The following GLTP variants were observed in gnomAD, a reference collection of about 807,000 sequenced individuals.
GLTP encodes the protein glycolipid transfer protein.
Under a neutral mutation model 24.0 loss-of-function variants are expected in GLTP, and 22 were observed. That is an observed-to-expected ratio of 0.92 (90% CI 0.65 to 1.31). The LOEUF (loss-of-function observed/expected upper bound fraction) is 1.31, where lower values mean the gene tolerates loss of function less well. GLTP is among the 50% of genes most tolerant of loss of function. The pLI is 0.00. For synonymous variants in GLTP, 92 were observed against 115.9 expected, an observed-to-expected ratio of 0.79 and a Z score of 1.33; for missense variants, 224 against 276.6, an observed-to-expected ratio of 0.81 and a Z score of 1.35.
intron 1 of GLTP, among the ~76,000 whole-genome samples, chr12:109,872,705 T>C (rs1467447057): frequency 2.6e-5 from 4 of 152,174 alleles, no homozygotes; most frequent in African/African-American, 9.7e-5. Context: ...AGTTTCAAAA[T>C]TGTACAGCCA....
intron 1 of GLTP, among the ~76,000 whole-genome samples, chr12:109,864,300 C>T (rs1042626900): frequency 1.3e-5 from 2 of 152,184 alleles, no homozygotes; most frequent in African/African-American, 4.8e-5. Flanking sequence ...TAAACAAGCA[C>T]GCTGAAGTGG....
At position 109,852,659 on chromosome 12, in the gene GLTP, ACTC is replaced by A. The variant is rs1419031727; in HGVS notation, c.523_525del (p.Glu175del). The A allele has an allele frequency of 1.9e-6, 3 of 1,605,104 alleles. No homozygotes were observed. Among genetic ancestry groups the A allele is most frequent in the Non-Finnish European group, 2.6e-6 (3 of 1,172,316 alleles). ...AGGAAGAGGCGGATCTTCTCCAGGC[ACTC>A]CTCCTCCGTAACATTCTGCCCCTTG... is the stretch of plus-strand genomic sequence containing the variant. On this transcript the variant is annotated inframe_deletion, in exon 5 of 5. Transcript: ENST00000318348.
chr12:109,854,700 G>A (rs1166055122), intron 4 of GLTP, among the ~76,000 whole-genome samples: 2 of 152,218 alleles, frequency 1.3e-5, no homozygotes, highest in Non-Finnish European at 2.9e-5. Context: ...TATTACTACT[G>A]ACGTGGTGGT....
intron 4 of GLTP, among the ~76,000 whole-genome samples, chr12:109,853,083 G>T (rs1398381635): frequency 6.6e-6 from 1 of 152,112 alleles, no homozygotes; most frequent in Non-Finnish European, 1.5e-5. Flanking sequence ...AGGATTAGGG[G>T]GCTTGTACAA....
In GLTP at chr12:109,880,423, G is replaced by T; in HGVS notation, c.-49C>A. On this transcript the variant is annotated 5_prime_UTR_variant, in exon 1 of 5. Transcript: ENST00000318348. This position sits in a 1 kb window ranked among gnomAD's most constrained non-coding sequence, Gnocchi z 5.1. Reference sequence around the variant, plus strand: ...TGCCCCAGCCGGCGCCGCGGGCGTCGACACCGCCCCCCCGGCCGCCGCCGT... The same window carrying T: ...TGCCCCAGCCGGCGCCGCGGGCGTCTACACCGCCCCCCCGGCCGCCGCCGT... The T allele has an allele frequency of 4.1e-6, 3 of 733,020 alleles. No homozygotes were observed. The highest frequency in any genetic ancestry group is 3.7e-6 in the Non-Finnish European group (2 of 536,936). 45.4% of individuals were successfully genotyped at this position (733,020 alleles called of 1,614,324 possible). A position where few individuals can be genotyped will look rare whatever the true frequency, so the allele number is the denominator to read the frequency against.
At position 109,852,608 on chromosome 12, in the gene GLTP, C is replaced by T. The variant is rs762045208; in HGVS notation, c.577G>A (p.Val193Ile). ...ATCTGGGTGTACATCTCGTAGATGA[C>T]ATCGATGGTCGCCGTGTAGTTGACT... ...FLVNYTATID[V>I]IYEMYTQMNA... is the part of the protein sequence containing the mutation. Residue 193 changes from valine to isoleucine, a missense_variant, in exon 5 of 5, where the codon GTC becomes ATC. Val to Ile is a conservative substitution (Grantham distance 29). Transcript: ENST00000318348. The T allele has an allele frequency of 1.2e-6, 2 of 1,608,710 alleles. No individual in the cohort carries two copies. Among genetic ancestry groups the T allele is most frequent in the South Asian group, 1.1e-5 (1 of 90,956 alleles).
Position 109,852,659 on chromosome 12 carries a change from A to ACTC in GLTP, c.523_525dup (p.Glu175dup). ...AGGAAGAGGCGGATCTTCTCCAGGC[A>ACTC]CTCCTCCTCCGTAACATTCTGCCCC... is the stretch of plus-strand genomic sequence containing the variant. On this transcript the variant is annotated inframe_insertion, in exon 5 of 5. Coordinates refer to ENST00000318348, the MANE Select transcript of GLTP (RefSeq NM_016433.4). 5 of 1,605,108 alleles carry ACTC rather than the reference A, an allele frequency of 3.1e-6. No individual in the cohort carries two copies. The highest frequency in any genetic ancestry group is 4.3e-6 in the Non-Finnish European group (5 of 1,172,320).
chr12:109,869,541 C>T (rs1344698646), intron 1 of GLTP, among the ~76,000 whole-genome samples: 1 of 149,208 alleles, frequency 6.7e-6, no homozygotes, highest in Non-Finnish European at 1.5e-5. Flanking sequence ...CTGCAATCTC[C>T]AACTTCCAGG....
At chr12:109,856,516 C>A (rs1892798385) in intron 3 of GLTP, among the ~76,000 whole-genome samples, 2 of 152,176 alleles carry the variant, frequency 1.3e-5, no homozygotes, top group Admixed American at 1.3e-4. Flanking sequence ...AAGGCTCAGT[C>A]ACAGGCCAGG....
intron 1 of GLTP, among the ~76,000 whole-genome samples, chr12:109,858,967 G>A (rs537528885): frequency 6.6e-6 from 1 of 152,218 alleles, no homozygotes; most frequent in Admixed American, 6.5e-5. Context: ...ACCAACCACA[G>A]AGGCATGATG....
At chr12:109,852,889 G>C in intron 4 of GLTP, 152 bp from the exon 5 acceptor site, 1 of 601,454 alleles carries the variant, frequency 1.7e-6, no homozygotes, top group South Asian at 2.1e-5. Context: ...GGAAAAGGGA[G>C]GTGTATTTTG....
chr12:109,879,944 G>A (rs1869016514), intron 1 of GLTP, among the ~76,000 whole-genome samples: 1 of 152,024 alleles, frequency 6.6e-6, no homozygotes, highest in Non-Finnish European at 1.5e-5. Flanking sequence ...GTGGATTACA[G>A]AATGCCTAAG....
In GLTP at chr12:109,862,060, C is replaced by T. The variant is rs184079989; in HGVS notation, c.104-3319G>A. Among the ~76,000 whole-genome samples, 225 of 152,308 alleles carry T rather than the reference C, an allele frequency of 1.5e-3. 1 individual carries two copies. The highest frequency in any genetic ancestry group is 2.4e-3 in the Admixed American group (37 of 15,308). On this transcript the variant is annotated intron_variant, in intron 1 of 4. Transcript: ENST00000318348. Reference sequence around the variant, plus strand: ...TGCTAGGCCACGAGCAGTCTCCTCTCGGCAACTGAGCCTCTTTCCAACGTC... The same window carrying T: ...TGCTAGGCCACGAGCAGTCTCCTCTTGGCAACTGAGCCTCTTTCCAACGTC...
chr12:109,868,687 G>A (rs142954457), intron 1 of GLTP, among the ~76,000 whole-genome samples: 84 of 151,940 alleles, frequency 5.5e-4, no homozygotes, highest in African/African-American at 1.9e-3. Context: ...AGCCTGGTGT[G>A]GGGAGGTTCT....
rs1161045119 is a variant in GLTP at position 109,852,481 on chromosome 12, G to A, written c.*74C>T. 12 of 967,954 alleles carry A rather than the reference G, an allele frequency of 1.2e-5. No individual in the cohort carries two copies. The Admixed American group carries it at 1.8e-4, about 14-fold the overall frequency. The allele number at this position is 967,954 out of a possible 1,614,324, so 60.0% of individuals were successfully genotyped here. ...CAGGCCAGGGGCAGTTCACCGACTT[G>A]ATTCACAGTGATTCTGGTTTGCCTG... On this transcript the variant is annotated 3_prime_UTR_variant, in exon 5 of 5. Coordinates refer to ENST00000318348, the MANE Select transcript of GLTP (RefSeq NM_016433.4).
chr12:109,864,468 T>C (rs1448101199), intron 1 of GLTP, among the ~76,000 whole-genome samples: 1 of 152,130 alleles, frequency 6.6e-6, no homozygotes, highest in African/African-American at 2.4e-5. Flanking sequence ...GGCCCTTCGG[T>C]TTCTACAGCC....
Position 109,855,675 on chromosome 12 carries a change from C to G in GLTP, c.391G>C (p.Ala131Pro), listed in dbSNP as rs780121705. The change falls in exon 4 of 5, where the codon GCC becomes CCC. Residue 131 changes from alanine to proline, a missense_variant. Transcript: ENST00000318348. The surrounding 1 kb of genome is among the most constrained non-coding windows in gnomAD (Gnocchi z 4.1). ...PNLIRVNATK[A>P]YEMALKKYHG... Reference sequence around the variant, plus strand: ...TACTTCTTGAGGGCCATCTCGTAGGCCTTGGTGGCGTTGACACGGATGAGG... The same window carrying G: ...TACTTCTTGAGGGCCATCTCGTAGGGCTTGGTGGCGTTGACACGGATGAGG... 37 of 1,607,808 alleles carry G rather than the reference C, an allele frequency of 2.3e-5. No homozygotes were observed. Among genetic ancestry groups the G allele is most frequent in the Non-Finnish European group, 2.5e-5 (30 of 1,177,364 alleles).
chr12:109,857,132 C>T lies in GLTP; in HGVS notation c.296+394G>A, dbSNP rs1892807387. On this transcript the variant is annotated intron_variant, in intron 3 of 4. Coordinates refer to ENST00000318348, the MANE Select transcript of GLTP (RefSeq NM_016433.4). The surrounding 1 kb of genome is among the most constrained non-coding windows in gnomAD (Gnocchi z 4.3). ...CTTTGTACGCGTGACCAGCCCTAAA[C>T]AGGACACCTTTGTGCAGTACGCAAC... 6.6e-6 allele frequency among the ~76,000 whole-genome samples: 1 copy of T among 152,210 alleles called. No homozygotes were observed. The highest frequency in any genetic ancestry group is 2.1e-4 in the South Asian group (1 of 4,826).
chr12:109,868,153 T>C (rs997681959), intron 1 of GLTP, among the ~76,000 whole-genome samples: 2 of 152,224 alleles, frequency 1.3e-5, no homozygotes, highest in African/African-American at 2.4e-5. Context: ...TACAGACACA[T>C]GTCACTACGA....
Sources: gnomAD v4.1 joint callset for allele counts (sites outside exome capture counted in the v4.1 genomes callset) on GRCh38, gnomAD v4.1.1 for gene constraint, Gnocchi (gnomAD v3.1) non-coding constraint, MANE v1.5 for transcripts, NCBI Gene and HGNC (gene_info 2026-07-23, HGNC 2026-07-21) for gene names.